PORCN: variants seen among roughly 807,000 people sequenced by gnomAD.
The protein encoded by PORCN is protein-serine O-palmitoleoyltransferase porcupine.
PORCN carries 1 observed loss-of-function variant against 43.0 expected under a neutral mutation model. The ratio of observed to expected loss-of-function variants is 0.02; its 90% CI spans 0.01 to 0.11. The LOEUF (loss-of-function observed/expected upper bound fraction) is 0.11, where lower values mean the gene tolerates loss of function less well. Ranked by LOEUF, PORCN falls within the 10% of genes least tolerant of loss-of-function variation. The pLI is 1.00. For synonymous variants in PORCN, 148 were observed against 166.4 expected, an observed-to-expected ratio of 0.89 and a Z score of 0.85; for missense variants, 240 against 392.1, an observed-to-expected ratio of 0.61 and a Z score of 3.28.
rs782770016 is a variant in PORCN, at chrX:48,517,164, A to C, written c.1174-19A>C. The stretch of plus-strand genomic sequence containing the variant: ...GTGAGTAGGTCCAGTTGCCAAGTAT[A>C]TCCATCTGTCCCCCACAGGGCCTGG... On this transcript the variant is annotated intron_variant, in intron 13 of 14. Coordinates refer to ENST00000326194, the MANE Select transcript of PORCN (RefSeq NM_203475.3). 8.8e-7 allele frequency: 1 copy of C among 1,133,801 alleles called. No homozygotes were observed. The allele number at this position is 1,133,801 out of a possible 1,213,427, so 93.4% of individuals were successfully genotyped here. A position where few individuals can be genotyped will look rare whatever the true frequency, so the allele number is the denominator to read the frequency against.
intron 10 of PORCN, among the ~76,000 whole-genome samples, 168 bp downstream of exon 10, chrX:48,514,793 A>G (rs1556974876): frequency 9.0e-6 from 1 of 111,541 alleles, no homozygotes; most frequent in African/African-American, 3.3e-5. Flanking sequence ...AAAAAAATAC[A>G]TAATAGCTCA....
Position 48,512,831 on chromosome X carries a change from A to G in PORCN, c.687-4A>G, listed in dbSNP as rs2061686235. The G allele has an allele frequency of 8.2e-7, 1 of 1,212,128 alleles. No homozygotes were observed. The highest frequency in any genetic ancestry group is 1.1e-6 in the Non-Finnish European group (1 of 895,585). On this transcript the variant is annotated splice_polypyrimidine_tract_variant and splice_region_variant and intron_variant, in intron 6 of 14. Transcript: ENST00000326194. ...ATGCTTCTTTCTGTCTTCTGTTACTACAGCAAGAAACGCAAAGCCAGGTAA... is the reference window on the plus strand; with the variant it reads ...ATGCTTCTTTCTGTCTTCTGTTACTGCAGCAAGAAACGCAAAGCCAGGTAA...
In PORCN at chrX:48,516,050, C is replaced by T; in HGVS notation, c.1088-11C>T. 2 of 1,211,106 alleles carry T rather than the reference C, an allele frequency of 1.7e-6. No individual in the cohort carries two copies. The highest frequency in any genetic ancestry group is 2.2e-6 in the Non-Finnish European group (2 of 894,801). On this transcript the variant is annotated splice_polypyrimidine_tract_variant and intron_variant, in intron 12 of 14. Coordinates refer to ENST00000326194, the MANE Select transcript of PORCN (RefSeq NM_203475.3). ...CTAACCTGACCCCCTTACCTCTCCC[C>T]ACCACCCTAGTCCTCCGGAAGCGCC... is the stretch of plus-strand genomic sequence containing the variant.
rs782766675 is a variant in PORCN at position 48,514,624 on chromosome X, C to T, written c.945C>T (p.Asn315=). 1 of 1,191,744 alleles carries T rather than the reference C, an allele frequency of 8.4e-7. No individual in the cohort carries two copies. Among genetic ancestry groups the T allele is most frequent in the Non-Finnish European group, 1.1e-6 (1 of 877,223 alleles). The change falls in exon 10 of 15, where the codon AAC becomes AAT. Residue 315 remains asparagine, a splice_region_variant and synonymous_variant. Coordinates refer to ENST00000326194, the MANE Select transcript of PORCN (RefSeq NM_203475.3). The part of the protein sequence containing the change: ...WNLPMSYWLN[N]YVFKNALRLG... ...TGCCCATGTCTTATTGGCTAAATAA[C>T]TGTGAGTCACCAAGTCACCACTCCA...
chrX:48,512,706 C>T lies in PORCN; in HGVS notation c.673C>T (p.Arg225Cys), dbSNP rs143554153. The T allele has an allele frequency of 1.2e-5, 14 of 1,210,883 alleles. No individual in the cohort carries two copies. Among genetic ancestry groups the T allele is most frequent in the African/African-American group, 6.9e-5 (4 of 57,586 alleles). ...GTACTTCATCCCCCTCAACGGTGACCGCCTCCTTCGCAAGTGAGCACAGCC... is the reference window on the plus strand; with the variant it reads ...GTACTTCATCCCCCTCAACGGTGACTGCCTCCTTCGCAAGTGAGCACAGCC... ...FPYFIPLNGD[R>C]LLRNKKRKAR... The change falls in exon 6 of 15, where the codon CGC becomes TGC. Residue 225 changes from arginine (R) to cysteine (C), a missense_variant. Coordinates refer to ENST00000326194, the MANE Select transcript of PORCN (RefSeq NM_203475.3).
chrX:48,509,128 G>A, intron 1 of PORCN, 25 bp downstream of exon 1: 1 of 129,006 alleles, frequency 7.8e-6, no homozygotes, highest in Non-Finnish European at 1.6e-5. Flanking sequence ...GTGCGCACGC[G>A]GCTCCCCAGC....
intron 13 of PORCN, 139 bp downstream of exon 13, chrX:48,516,285 C>T (rs2061716870): frequency 5.3e-6 from 3 of 562,828 alleles, no homozygotes; most frequent in Non-Finnish European, 9.1e-6. Flanking sequence ...CTCCTCTATT[C>T]GCTGGCATCC....
chrX:48,517,196 G>A lies in PORCN; in HGVS notation c.1187G>A (p.Arg396Gln), dbSNP rs199508142. 64 of 1,167,183 alleles carry A rather than the reference G, an allele frequency of 5.5e-5. No homozygotes were observed. Among genetic ancestry groups the A allele is most frequent in the East Asian group, 4.2e-4 (13 of 30,932 alleles). The change falls in exon 14 of 15, where the codon CGA (arginine) becomes CAA (glutamine). Residue 396 changes from arginine (R) to glutamine (Q), a missense_variant. By Grantham distance (43) the Arg-to-Gln change is conservative (BLOSUM62 1). Transcript: ENST00000326194. ...SHQHRLGLGV[R>Q]ALNLLFGALA... ...TGTCCCCCACAGGGCCTGGGGGTGC[G>A]AGCCTTAAACTTGCTCTTTGGAGCT...
At position 48,514,228 on chromosome X, in the gene PORCN, C is replaced by A. The variant is rs1556974648; in HGVS notation, c.720-12C>A. The stretch of plus-strand genomic sequence containing the variant: ...AACGTGATGCCTCTCACCCCTGCCC[C>A]TTTCTCCCCAGGTGGCTGCGAGCCT... On this transcript the variant is annotated splice_polypyrimidine_tract_variant and intron_variant, in intron 8 of 14. Transcript: ENST00000326194. The A allele has an allele frequency of 1.7e-6, 2 of 1,210,444 alleles. No homozygotes were observed. The highest frequency in any genetic ancestry group is 2.2e-6 in the Non-Finnish European group (2 of 895,318).
chrX:48,514,210 T>A, intron 8 of PORCN, 30 bp from the exon 9 acceptor site: 4 of 1,212,107 alleles, frequency 3.3e-6, no homozygotes, highest in Non-Finnish European at 2.2e-6. Flanking sequence ...CTGAACGTGA[T>A]GCCTCTCACC....
At chrX:48,509,738 G>T (rs1556973459) in intron 1 of PORCN, 46 bp from the exon 2 acceptor site, 2 of 1,179,167 alleles carry the variant, frequency 1.7e-6, no homozygotes, top group African/African-American at 1.8e-5. Flanking sequence ...TTTAAGCGAG[G>T]TCTGCCCCAC....
At chrX:48,514,764 G>A in intron 10 of PORCN, 139 bp downstream of exon 10, 2 of 531,337 alleles carry the variant, frequency 3.8e-6, no homozygotes, top group East Asian at 7.1e-5. Flanking sequence ...TCCTGGGGGG[G>A]CAGATGATAA....
chrX:48,509,434 C>A, intron 1 of PORCN: 1 of 827,651 alleles, frequency 1.2e-6, no homozygotes, highest in East Asian at 7.9e-5. Context: ...AGCGACTCTA[C>A]CTTGGAAACC....
At chrX:48,515,837 CG>C in intron 11 of PORCN, 44 bp downstream of exon 11, 2 of 543,988 alleles carry the variant, frequency 3.7e-6, no homozygotes, top group Non-Finnish European at 5.9e-6. Context: ...TGGGTGGGGG[CG>C]GGTGGCAGGG....
At position 48,514,135 on chromosome X, in the gene PORCN, T is replaced by C. The variant is rs1569478241; in HGVS notation, c.713T>C (p.Met238Thr). 2 of 1,211,531 alleles carry C rather than the reference T, an allele frequency of 1.7e-6. No homozygotes were observed. The highest frequency in any genetic ancestry group is 2.2e-6 in the Non-Finnish European group (2 of 895,298). The part of the protein sequence containing the change: ...RNKKRKARGT[M>T]VRWLRAYESA... ...ACCCCTGGGGGCCCTAGGGGCACCA[T>C]GGTAAGGTGAGTCTACAGAGCGGGG... The change falls in exon 8 of 15, where the codon ATG becomes ACG. Residue 238 changes from methionine to threonine, a missense_variant. Physicochemically the swap from Met to Thr is moderately conservative, Grantham distance 81 (BLOSUM62 -1). Coordinates refer to ENST00000326194, the MANE Select transcript of PORCN (RefSeq NM_203475.3).
chrX:48,511,243 T>C, intron 2 of PORCN, 52 bp from the exon 3 acceptor site: 1 of 929,775 alleles, frequency 1.1e-6, no homozygotes, highest in Non-Finnish European at 1.6e-6. Flanking sequence ...TCCCTCTCTT[T>C]CTCTCTCTTT....
At chrX:48,513,367 C>G (rs1450266195) in intron 7 of PORCN, among the ~76,000 whole-genome samples, 1 of 112,034 alleles carries the variant, frequency 8.9e-6, no homozygotes, top group Non-Finnish European at 1.9e-5. Flanking sequence ...CTGTGGAGTT[C>G]ATGGACTACC....
rs2061661473 is a variant in PORCN at position 48,509,841 on chromosome X, G to A, written c.21G>A (p.Gln7=). The A allele has an allele frequency of 8.3e-7, 1 of 1,211,861 alleles. No homozygotes were observed. Among genetic ancestry groups the A allele is most frequent in the Non-Finnish European group, 1.1e-6 (1 of 895,404 alleles). MATFSR[Q]EFFQQLLQGC... ...CTGCAATGGCCACCTTTAGCCGCCA[G>A]GAATTTTTCCAGCAGCTACTGCAAG... Residue 7 remains glutamine, a synonymous_variant, in exon 2 of 15, where the codon CAG becomes CAA. Coordinates refer to ENST00000326194, the MANE Select transcript of PORCN (RefSeq NM_203475.3).
rs1438859044 is a variant in PORCN at position 48,514,368 on chromosome X, G to T, written c.845+3G>T. ...GAGGAGAAGGATCACCTGGAATGGT[G>T]GGGGGGCTTGGGGACCCCCTCTCCC... is the stretch of plus-strand genomic sequence containing the variant. On this transcript the variant is annotated splice_donor_region_variant and intron_variant, in intron 9 of 14. Transcript: ENST00000326194. 6 of 1,205,125 alleles carry T rather than the reference G, an allele frequency of 5.0e-6. No individual in the cohort carries two copies. Among genetic ancestry groups the T allele is most frequent in the South Asian group, 3.6e-5 (2 of 56,262 alleles).
Sources: gnomAD v4.1 joint callset for allele counts (sites outside exome capture counted in the v4.1 genomes callset) on GRCh38, gnomAD v4.1.1 for gene constraint, MANE v1.5 for transcripts, NCBI Gene and HGNC (gene_info 2026-07-23, HGNC 2026-07-21) for gene names.